The following AK8 variants were observed in gnomAD, a reference collection of about 807,000 sequenced individuals.
AK8 encodes the protein ATP-AMP transphosphorylase 8.
A neutral mutation model predicts 54.6 loss-of-function variants in AK8; 44 were observed. That is an observed-to-expected ratio of 0.81 (90% CI 0.63 to 1.04). AK8 has a LOEUF of 1.04. AK8 is among the 50% of genes least tolerant of loss of function. AK8 has a pLI of 0.00. For synonymous variants in AK8, 239 were observed against 245.6 expected (o/e 0.97, Z 0.25); for missense variants, 555 against 613.6 (o/e 0.90, Z 1.01).
intron 5 of AK8, among the ~76,000 whole-genome samples, chr9:132,832,182 C>T (rs1325196760): frequency 7.6e-6 from 1 of 131,892 alleles, no homozygotes; most frequent in Non-Finnish European, 1.6e-5. Flanking sequence ...AACAAATTTA[C>T]AGCCTAAAGA....
chr9:132,813,856 C>T (rs934546249), intron 10 of AK8, among the ~76,000 whole-genome samples: 11 of 152,182 alleles, frequency 7.2e-5, no homozygotes, highest in Admixed American at 5.9e-4. Context: ...GTCAAACAGG[C>T]GAGCATCTAA....
At chr9:132,769,451 T>C (rs1838863020) in intron 11 of AK8, 2 of 152,216 alleles carry the variant, frequency 1.3e-5, no homozygotes, top group African/African-American at 4.8e-5. Flanking sequence ...GGAGGGACCT[T>C]AGACTGTGCT....
intron 10 of AK8, among the ~76,000 whole-genome samples, chr9:132,808,908 G>C (rs1431931508): frequency 6.6e-6 from 1 of 152,176 alleles, no homozygotes; most frequent in East Asian, 1.9e-4. Flanking sequence ...GGGGTACCCA[G>C]GAAGACTCTA....
At chr9:132,877,943 C>T in intron 1 of AK8, 2 of 1,106,480 alleles carry the variant, frequency 1.8e-6, no homozygotes, top group Non-Finnish European at 1.3e-6. Context: ...CGAGTGGCCC[C>T]CTTCCTCCCC....
intron 11 of AK8, among the ~76,000 whole-genome samples, chr9:132,730,010 G>A (rs1402499440): frequency 6.6e-6 from 1 of 152,058 alleles, no homozygotes; most frequent in African/African-American, 2.4e-5. Context: ...TCTGAGAGTC[G>A]TGTGTTTTCA....
chr9:132,852,769 C>CAAAAAAAAAAAAAAAAAAA (rs35786801), intron 5 of AK8, among the ~76,000 whole-genome samples: 1 of 16,424 alleles, frequency 6.1e-5, no homozygotes, highest in Non-Finnish European at 1.3e-4. Flanking sequence ...GATTAGGTCT[C>CAAAAAAAAAAAAAAAAAAA]AAAAAAAAAA....
chr9:132,869,234 C>T (rs949876840), intron 2 of AK8, among the ~76,000 whole-genome samples: 3 of 152,202 alleles, frequency 2.0e-5, no homozygotes, highest in East Asian at 1.9e-4. Context: ...TCTATCCCAG[C>T]GTGGCTCATA....
At chr9:132,828,924 G>A (rs528627130) in intron 5 of AK8, among the ~76,000 whole-genome samples, 198 bp from the exon 6 acceptor site, 2 of 151,310 alleles carry the variant, frequency 1.3e-5, no homozygotes, top group East Asian at 3.9e-4. Context: ...ATATCTTGGT[G>A]ATTATAATCA....
chr9:132,757,129 G>T (rs1314493613), intron 11 of AK8, among the ~76,000 whole-genome samples: 1 of 151,836 alleles, frequency 6.6e-6, no homozygotes, highest in Non-Finnish European at 1.5e-5. Context: ...AGATGACAAC[G>T]GAATGCGTGT....
rs1237072810 is a variant in AK8, at chr9:132,770,633, G to GGGGCAGCGCGGT, written c.1121+21989_1121+22000dup. Among the ~76,000 whole-genome samples, 20 of 152,136 alleles carry GGGGCAGCGCGGT rather than the reference G, an allele frequency of 1.3e-4. No individual in the cohort carries two copies. The highest frequency in any genetic ancestry group is 3.4e-4 in the African/African-American group (14 of 41,408). ...GCCGGTCCCATTTCAACAGAGACCT[G>GGGGCAGCGCGGT]GGGCAGCGCGGTGGGCAGCGGGCTG... On this transcript the variant is annotated intron_variant, in intron 11 of 12. Coordinates refer to ENST00000298545, the MANE Select transcript of AK8 (RefSeq NM_152572.3). The surrounding 1 kb of genome is among the most constrained non-coding windows in gnomAD (Gnocchi z 4.3).
chr9:132,735,962 A>G (rs114378201), intron 11 of AK8, among the ~76,000 whole-genome samples: 481 of 152,352 alleles, frequency 3.2e-3, no homozygotes, highest in African/African-American at 9.5e-3. Flanking sequence ...CCTACCACAC[A>G]ACTAGGCTGC....
At chr9:132,821,271 C>T (rs369169182) in intron 9 of AK8, among the ~76,000 whole-genome samples, 4 of 151,994 alleles carry the variant, frequency 2.6e-5, no homozygotes, top group Non-Finnish European at 5.9e-5. Context: ...TGCCCCTCCA[C>T]GCTCACTCTG....
intron 10 of AK8, among the ~76,000 whole-genome samples, chr9:132,811,577 A>G (rs1205539475): frequency 6.6e-6 from 1 of 152,282 alleles, no homozygotes; most frequent in African/African-American, 2.4e-5. Flanking sequence ...ACAGAACTGC[A>G]AGATAAATCT....
intron 11 of AK8, among the ~76,000 whole-genome samples, chr9:132,767,618 AG>A (rs1267924139): frequency 6.6e-6 from 1 of 152,248 alleles, no homozygotes; most frequent in Non-Finnish European, 1.5e-5. Flanking sequence ...TGTATCAAAA[AG>A]AAAGAAACTT....
chr9:132,727,438 G>A lies in AK8; in HGVS notation c.1202+16C>T. On this transcript the variant is annotated intron_variant, in intron 12 of 12. Coordinates refer to ENST00000298545, the MANE Select transcript of AK8 (RefSeq NM_152572.3). ...GCAGTCCCCAGACTGCCAACCACCA[G>A]GAACACAGCACAAACCTTTCCCCAG... 1 of 1,613,746 alleles carries A rather than the reference G, an allele frequency of 6.2e-7. No homozygotes were observed. Among genetic ancestry groups the A allele is most frequent in the South Asian group, 1.1e-5 (1 of 91,058 alleles).
At chr9:132,875,013 T>C in intron 2 of AK8, 102 bp downstream of exon 2, 1 of 1,454,918 alleles carries the variant, frequency 6.9e-7, no homozygotes. Flanking sequence ...GCAGGGTTCC[T>C]GGAGAGGAAG....
rs1455522261 is a variant in AK8, at chr9:132,803,113, T to A, written c.980-10338A>T. On this transcript the variant is annotated intron_variant, in intron 10 of 12. Coordinates refer to ENST00000298545, the MANE Select transcript of AK8 (RefSeq NM_152572.3). This position sits in a 1 kb window ranked among gnomAD's most constrained non-coding sequence, Gnocchi z 4.4. ...AAGGGGCAGAGCGGGGGAAAGCCCTTTATAAAACCATCAGATCTTGTGAGA... is the reference window on the plus strand; with the variant it reads ...AAGGGGCAGAGCGGGGGAAAGCCCTATATAAAACCATCAGATCTTGTGAGA... 1.3e-5 allele frequency among the ~76,000 whole-genome samples: 2 copies of A among 152,080 alleles called. No individual in the cohort carries two copies. The highest frequency in any genetic ancestry group is 2.9e-5 in the Non-Finnish European group (2 of 68,014).
At chr9:132,875,290 T>TGCACCCCACC (rs1844044795) in intron 1 of AK8, 91 bp from the exon 2 acceptor site, 1 of 1,540,472 alleles carries the variant, frequency 6.5e-7, no homozygotes. Context: ...CTCTCTCCAC[T>TGCACCCCACC]GCACCCCACC....
At chr9:132,814,244 A>C (rs1043849143) in intron 10 of AK8, among the ~76,000 whole-genome samples, 1 of 125,384 alleles carries the variant, frequency 8.0e-6, no homozygotes, top group African/African-American at 3.1e-5. Context: ...GCACCACTGC[A>C]CTCCAGTCTG....
Sources: allele counts gnomAD v4.1 joint callset (sites outside exome capture counted in the v4.1 genomes callset), GRCh38; gene constraint gnomAD v4.1.1; non-coding constraint Gnocchi (gnomAD v3.1); transcripts MANE v1.5; gene names NCBI Gene and HGNC (gene_info 2026-07-23, HGNC 2026-07-21).